CNTN5: variants seen among roughly 807,000 people sequenced by gnomAD.
CNTN5 encodes the protein contactin 5.
Under a neutral mutation model 129.1 loss-of-function variants are expected in CNTN5, and 77 were observed. The observed-to-expected ratio is 0.60, with a 90% CI of 0.50 to 0.72. The LOEUF (loss-of-function observed/expected upper bound fraction) is 0.72, where lower values mean the gene tolerates loss of function less well. Ranked by LOEUF, CNTN5 falls within the 30% of genes least tolerant of loss-of-function variation. CNTN5 has a pLI of 0.00. For synonymous variants in CNTN5, 509 were observed against 465.6 expected, an observed-to-expected ratio of 1.09 and a Z score of -1.20; for missense variants, 1,478 against 1,328.8, an observed-to-expected ratio of 1.11 and a Z score of -1.75.
intron 3 of CNTN5, among the ~76,000 whole-genome samples, chr11:99,769,672 G>GGT (rs1944876889): frequency 6.6e-6 from 1 of 152,060 alleles, no homozygotes; most frequent in Non-Finnish European, 1.5e-5. Context: ...CCCCCAGCCA[G>GGT]GTGTGGTGGT....
At chr11:99,577,598 A>C (rs2135596277) in intron 3 of CNTN5, among the ~76,000 whole-genome samples, 1 of 152,204 alleles carries the variant, frequency 6.6e-6, no homozygotes, top group East Asian at 1.9e-4. Flanking sequence ...ACAGATGATT[A>C]TTTTTCCATT....
chr11:99,815,385 G>C (rs1298860297), intron 3 of CNTN5, among the ~76,000 whole-genome samples: 1 of 151,522 alleles, frequency 6.6e-6, no homozygotes, highest in East Asian at 1.9e-4. Flanking sequence ...GAAACTCTGA[G>C]GATATGTCAT....
At chr11:99,256,425 T>A (rs565898741) in intron 1 of CNTN5, among the ~76,000 whole-genome samples, 1 of 152,212 alleles carries the variant, frequency 6.6e-6, no homozygotes, top group South Asian at 2.1e-4. Flanking sequence ...AGTGAAGAAC[T>A]ATTACAGTTG....
intron 3 of CNTN5, among the ~76,000 whole-genome samples, chr11:99,633,397 C>G (rs1951435797): frequency 6.6e-6 from 1 of 152,146 alleles, no homozygotes; most frequent in South Asian, 2.1e-4. Flanking sequence ...AGACATTTCT[C>G]ACATGTCTAA....
chr11:99,043,285 TC>T (rs1225466717), intron 1 of CNTN5, among the ~76,000 whole-genome samples: 34 of 55,066 alleles, frequency 6.2e-4, no homozygotes, highest in African/African-American at 2.2e-3. Flanking sequence ...CCCTCCCCCC[TC>T]CCCCCACCCC....
intron 3 of CNTN5, among the ~76,000 whole-genome samples, chr11:99,610,313 C>A (rs1362498399): frequency 6.6e-6 from 1 of 152,008 alleles, no homozygotes; most frequent in Non-Finnish European, 1.5e-5. Context: ...TGAGTCTGGC[C>A]CTGATGCATC....
intron 3 of CNTN5, among the ~76,000 whole-genome samples, chr11:99,673,800 C>T (rs1453391323): frequency 6.6e-6 from 1 of 151,972 alleles, no homozygotes; most frequent in Non-Finnish European, 1.5e-5. Flanking sequence ...TTCATAGCTG[C>T]ATAGCATTCC....
chr11:100,174,212 A>T (rs1947898957), intron 13 of CNTN5, among the ~76,000 whole-genome samples: 1 of 152,126 alleles, frequency 6.6e-6, no homozygotes, highest in Non-Finnish European at 1.5e-5. Flanking sequence ...AAGGATATGG[A>T]TATCAGAGAT....
chr11:100,253,830 C>A (rs1214290801), intron 16 of CNTN5, among the ~76,000 whole-genome samples: 2 of 152,146 alleles, frequency 1.3e-5, no homozygotes, highest in African/African-American at 4.8e-5. Context: ...CTCAACTTTG[C>A]TTTAGATAAA....
intron 13 of CNTN5, among the ~76,000 whole-genome samples, chr11:100,190,066 A>AC (rs1948431398): frequency 6.6e-6 from 1 of 152,180 alleles, no homozygotes; most frequent in African/African-American, 2.4e-5. Flanking sequence ...AAGATTGAAT[A>AC]CACATTTTAA....
intron 9 of CNTN5, among the ~76,000 whole-genome samples, chr11:100,041,697 G>C (rs1942389131): frequency 6.6e-6 from 1 of 152,166 alleles, no homozygotes; most frequent in East Asian, 1.9e-4. Context: ...ATTGCTTTCA[G>C]TGCTAAATAA....
intron 15 of CNTN5, among the ~76,000 whole-genome samples, 173 bp downstream of exon 15, chr11:100,193,836 G>A (rs1565331731): frequency 1.3e-5 from 2 of 151,126 alleles, no homozygotes; most frequent in Admixed American, 6.6e-5. Context: ...AAAGTAATAT[G>A]TAATTATTTT....
chr11:99,248,685 C>A (rs1014385257), intron 1 of CNTN5, among the ~76,000 whole-genome samples: 2 of 152,038 alleles, frequency 1.3e-5, no homozygotes, highest in African/African-American at 2.4e-5. Flanking sequence ...TTACATATGG[C>A]TAGCCAGTTT....
chr11:99,388,186 C>T (rs1244216029), intron 2 of CNTN5, among the ~76,000 whole-genome samples: 3 of 152,010 alleles, frequency 2.0e-5, no homozygotes, highest in South Asian at 2.1e-4. Context: ...GAGGCCGAGG[C>T]GGGCAGATCA....
intron 6 of CNTN5, among the ~76,000 whole-genome samples, chr11:99,901,582 C>T (rs946037659): frequency 1.4e-4 from 22 of 152,118 alleles, no homozygotes; most frequent in Non-Finnish European, 3.1e-4. Context: ...CACGAGCCAC[C>T]ATGCCTGACC....
intron 1 of CNTN5, among the ~76,000 whole-genome samples, chr11:99,052,714 G>C (rs1864476366): frequency 6.6e-6 from 1 of 151,746 alleles, no homozygotes; most frequent in African/African-American, 2.4e-5. Context: ...ACATCTAGTG[G>C]TTACATGTTG....
chr11:99,172,880 T>G (rs191607767), intron 1 of CNTN5, among the ~76,000 whole-genome samples: 12 of 152,320 alleles, frequency 7.9e-5, no homozygotes, highest in African/African-American at 2.6e-4. Context: ...TAAGTATAAT[T>G]CTTGTATTAG....
chr11:99,434,001 C>T (rs1173794088), intron 2 of CNTN5, among the ~76,000 whole-genome samples: 2 of 152,064 alleles, frequency 1.3e-5, no homozygotes, highest in Non-Finnish European at 2.9e-5. Flanking sequence ...TCAGAAGATA[C>T]AGTGATTATT....
chr11:99,201,486 G>A (rs1339926980), intron 1 of CNTN5, among the ~76,000 whole-genome samples: 2 of 147,734 alleles, frequency 1.4e-5, no homozygotes, highest in Non-Finnish European at 3.0e-5. Context: ...CTTCTATTGT[G>A]ATAGGCAGAA....
Sources: allele counts gnomAD v4.1 joint callset (sites outside exome capture counted in the v4.1 genomes callset), GRCh38; gene constraint gnomAD v4.1.1; transcripts MANE v1.5; gene names NCBI Gene and HGNC (gene_info 2026-07-23, HGNC 2026-07-21).